GLG1: variants seen among roughly 807,000 people sequenced by gnomAD.
The protein encoded by GLG1 is Golgi apparatus protein 1.
GLG1 carries 38 observed loss-of-function variants against 160.5 expected under a neutral mutation model. That is an observed-to-expected ratio of 0.24 (90% CI 0.18 to 0.31). The LOEUF (loss-of-function observed/expected upper bound fraction) is 0.31. GLG1 is among the 10% of genes least tolerant of loss of function. GLG1 has a pLI of 1.00. For synonymous variants in GLG1, 644 were observed against 543.4 expected (o/e 1.19, Z -2.57); for missense variants, 1,373 against 1,505.2 (o/e 0.91, Z 1.45).
intron 4 of GLG1, among the ~76,000 whole-genome samples, chr16:74,502,470 C>G (rs769730154): frequency 6.6e-6 from 1 of 152,112 alleles, no homozygotes; most frequent in Non-Finnish European, 1.5e-5. Context: ...TTCCAACTAA[C>G]TAGAAGTACC....
At chr16:74,573,581 C>CT (rs34868210) in intron 1 of GLG1, among the ~76,000 whole-genome samples, 148 of 102,646 alleles carry the variant, frequency 1.4e-3, no homozygotes, top group East Asian at 9.5e-3. Flanking sequence ...TTTATCTTGC[C>CT]TTTTTTTTTT....
rs188365113 is a variant in GLG1 at position 74,598,925 on chromosome 16, A to T, written c.438+7732T>A. Among the ~76,000 whole-genome samples the T allele has an allele frequency of 6.6e-5, 10 of 151,672 alleles. No individual in the cohort carries two copies. In the East Asian group the frequency reaches 1.9e-3, roughly 29 times the overall value. On this transcript the variant is annotated intron_variant, in intron 1 of 25. Coordinates refer to ENST00000422840, the MANE Select transcript of GLG1 (RefSeq NM_001145667.2). The stretch of plus-strand genomic sequence containing the variant: ...ATATAAATATATATATATATAACTT[A>T]TATAAAGAGGAGATTTTTGTTATTG...
intron 1 of GLG1, chr16:74,552,481 C>T: frequency 2.1e-6 from 1 of 482,144 alleles, no homozygotes; most frequent in Non-Finnish European, 4.1e-6. Flanking sequence ...ACGACTGTAT[C>T]CAGTATCTCT....
rs2014130583 is a variant in GLG1 at position 74,447,896 on chromosome 16, G to C, written c.*5271C>G. 1 of 152,370 alleles carries C rather than the reference G, an allele frequency of 6.6e-6. No individual in the cohort carries two copies. Among genetic ancestry groups the C allele is most frequent in the Non-Finnish European group, 1.5e-5 (1 of 68,168 alleles). The allele number at this position is 152,370 out of a possible 1,614,324, so 9.4% of individuals were successfully genotyped here. On this transcript the variant is annotated 3_prime_UTR_variant, in exon 26 of 26. Coordinates refer to ENST00000422840, the MANE Select transcript of GLG1 (RefSeq NM_001145667.2). ...GTCCAGATGTCAACTCTACATTGGA[G>C]GAGGCAAAACACAATCTAGAGGCAC... is the stretch of plus-strand genomic sequence containing the variant.
At position 74,480,504 on chromosome 16, in the gene GLG1, C is replaced by T. The variant is rs917997473; in HGVS notation, c.1674-110G>A. ...CTTGTATACTCATTGATAATCACTTCCAGGGGCGTGGAGACAGAAGATATG... is the reference window on the plus strand; with the variant it reads ...CTTGTATACTCATTGATAATCACTTTCAGGGGCGTGGAGACAGAAGATATG... On this transcript the variant is annotated intron_variant, in intron 10 of 25. Transcript: ENST00000422840. 6 of 688,004 alleles carry T rather than the reference C, an allele frequency of 8.7e-6. No individual in the cohort carries two copies. The African/African-American group carries it at 1.1e-4, about 12-fold the overall frequency. 42.6% of individuals were successfully genotyped at this position (688,004 alleles called of 1,614,324 possible). A position where few individuals can be genotyped will look rare whatever the true frequency, so the allele number is the denominator to read the frequency against.
At chr16:74,546,577 C>G (rs1478068960) in intron 1 of GLG1, among the ~76,000 whole-genome samples, 2 of 151,794 alleles carry the variant, frequency 1.3e-5, no homozygotes, top group East Asian at 3.9e-4. Flanking sequence ...TGGCTCACAC[C>G]TGTAACCCCA....
At chr16:74,534,878 G>A (rs181529316) in intron 1 of GLG1, among the ~76,000 whole-genome samples, 1 of 152,102 alleles carries the variant, frequency 6.6e-6, no homozygotes, top group Non-Finnish European at 1.5e-5. Flanking sequence ...AGTACTGTGT[G>A]CTTAGTAATA....
intron 18 of GLG1, among the ~76,000 whole-genome samples, 197 bp downstream of exon 18, chr16:74,467,559 T>C (rs1259021469): frequency 6.6e-6 from 1 of 151,682 alleles, no homozygotes; most frequent in Admixed American, 6.6e-5. Flanking sequence ...TAGAGAGGAG[T>C]GCAGGTGAAG....
At chr16:74,604,434 G>A (rs1250401644) in intron 1 of GLG1, among the ~76,000 whole-genome samples, 1 of 152,204 alleles carries the variant, frequency 6.6e-6, no homozygotes, top group Non-Finnish European at 1.5e-5. Context: ...TTCAATATCT[G>A]CAGGAGGCCT....
intron 1 of GLG1, among the ~76,000 whole-genome samples, chr16:74,542,824 A>G (rs1462256132): frequency 6.6e-6 from 1 of 152,018 alleles, no homozygotes; most frequent in Non-Finnish European, 1.5e-5. Context: ...AGACTAAAAG[A>G]AAAAATTTCC....
At chr16:74,515,750 T>A (rs2143528328) in intron 2 of GLG1, among the ~76,000 whole-genome samples, 1 of 151,718 alleles carries the variant, frequency 6.6e-6, no homozygotes, top group East Asian at 1.9e-4. Context: ...AGACACAGAT[T>A]GGCAAACTGG....
In GLG1 at chr16:74,571,402, C is replaced by A. The variant is rs570835200; in HGVS notation, c.438+35255G>T. On this transcript the variant is annotated intron_variant, in intron 1 of 25. Transcript: ENST00000422840. Reference sequence around the variant, plus strand: ...GAGTCATTAAGTTTGGGACCGGGTACAGAGGCTCACGCAAGTAATCCATGT... The same window carrying A: ...GAGTCATTAAGTTTGGGACCGGGTAAAGAGGCTCACGCAAGTAATCCATGT... 5.3e-5 allele frequency among the ~76,000 whole-genome samples: 8 copies of A among 152,258 alleles called. No homozygotes were observed. The South Asian group carries it at 1.5e-3, about 28-fold the overall frequency.
chr16:74,590,812 GA>G (rs1187395193), intron 1 of GLG1, among the ~76,000 whole-genome samples: 35 of 109,094 alleles, frequency 3.2e-4, no homozygotes, highest in Middle Eastern at 4.9e-3. Context: ...AAAAAAAAAA[GA>G]AAAAAAAAAA....
At chr16:74,602,570 T>C (rs1597390011) in intron 1 of GLG1, among the ~76,000 whole-genome samples, 1 of 151,776 alleles carries the variant, frequency 6.6e-6, no homozygotes, top group Admixed American at 6.6e-5. Flanking sequence ...GATCACGAGG[T>C]CAGGAGTTCG....
chr16:74,493,212 G>T, intron 6 of GLG1, 72 bp from the exon 7 acceptor site: 1 of 957,522 alleles, frequency 1.0e-6, no homozygotes, highest in Non-Finnish European at 1.6e-6. Flanking sequence ...CCACTAAGAT[G>T]AGCACAGCGA....
chr16:74,589,530 C>G (rs915428129), intron 1 of GLG1, among the ~76,000 whole-genome samples: 3 of 152,132 alleles, frequency 2.0e-5, no homozygotes, highest in Admixed American at 1.3e-4. Context: ...CCTGTAAACT[C>G]TGAAGCTGTA....
At chr16:74,453,850 TTACATATTC>T (rs1483498303) in intron 25 of GLG1, among the ~76,000 whole-genome samples, 1 of 151,894 alleles carries the variant, frequency 6.6e-6, no homozygotes, top group Non-Finnish European at 1.5e-5. Flanking sequence ...TGACATCGTT[TTACATATTC>T]TATATTTTGT....
At position 74,452,102 on chromosome 16, in the gene GLG1, T is replaced by G; in HGVS notation, c.*1065A>C. 1.2e-6 allele frequency: 2 copies of G among 1,614,116 alleles called. No homozygotes were observed. The highest frequency in any genetic ancestry group is 1.7e-6 in the Non-Finnish European group (2 of 1,179,954). ...ATCCTGAGACCACACTAAACCTTTATAAGCCATTGTCTCTGACCTGTATTG... is the reference window on the plus strand; with the variant it reads ...ATCCTGAGACCACACTAAACCTTTAGAAGCCATTGTCTCTGACCTGTATTG... On this transcript the variant is annotated 3_prime_UTR_variant, in exon 26 of 26. Coordinates refer to ENST00000422840, the MANE Select transcript of GLG1 (RefSeq NM_001145667.2).
chr16:74,470,968 G>C (rs1403303073), intron 15 of GLG1, among the ~76,000 whole-genome samples: 1 of 151,636 alleles, frequency 6.6e-6, no homozygotes, highest in Non-Finnish European at 1.5e-5. Flanking sequence ...TGTTGCTCAG[G>C]TTGGTCTTGA....
Sources: gnomAD v4.1 joint callset for allele counts (sites outside exome capture counted in the v4.1 genomes callset) on GRCh38, gnomAD v4.1.1 for gene constraint, MANE v1.5 for transcripts, NCBI Gene and HGNC (gene_info 2026-07-23, HGNC 2026-07-21) for gene names.